EEFSEC: variants seen among roughly 807,000 people sequenced by gnomAD.
EEFSEC encodes selenocysteine-specific elongation factor.
Under a neutral mutation model 42.1 loss-of-function variants are expected in EEFSEC, and 43 were observed. The observed-to-expected ratio is 1.02, with a 90% CI of 0.80 to 1.32. The LOEUF is 1.32. EEFSEC is among the 40% of genes most tolerant of loss of function. The pLI, the probability that EEFSEC is intolerant of heterozygous loss-of-function variation, is 0.00. For missense variants in EEFSEC, 745 were observed against 803.6 expected, an observed-to-expected ratio of 0.93 and a Z score of 0.88; for synonymous variants, 354 against 339.1, an observed-to-expected ratio of 1.04 and a Z score of -0.48.
At chr3:128,196,099 C>A (rs935261909) in intron 1 of EEFSEC, among the ~76,000 whole-genome samples, 1 of 152,198 alleles carries the variant, frequency 6.6e-6, no homozygotes, top group Admixed American at 6.5e-5. Flanking sequence ...TGACTCTCTG[C>A]TGTTTGATTG....
chr3:128,205,839 C>A (rs2065691423), intron 1 of EEFSEC, among the ~76,000 whole-genome samples: 1 of 152,156 alleles, frequency 6.6e-6, no homozygotes, highest in Non-Finnish European at 1.5e-5. Context: ...CTTCAGGAGG[C>A]CCTGGCCTGC....
At chr3:128,269,638 G>A (rs1029590460) in intron 4 of EEFSEC, among the ~76,000 whole-genome samples, 11 of 152,332 alleles carry the variant, frequency 7.2e-5, no homozygotes, top group African/African-American at 2.2e-4. Context: ...GCTGGCCTGC[G>A]GAGCCTGCCA....
At chr3:128,407,282 G>T (rs888268745) in intron 6 of EEFSEC, among the ~76,000 whole-genome samples, 3 of 152,228 alleles carry the variant, frequency 2.0e-5, no homozygotes, top group East Asian at 1.9e-4. Flanking sequence ...AAGCGGTGGG[G>T]GCTGCACCCA....
intron 6 of EEFSEC, among the ~76,000 whole-genome samples, chr3:128,381,929 C>A (rs963741937): frequency 6.6e-6 from 1 of 152,122 alleles, no homozygotes; most frequent in African/African-American, 2.4e-5. Flanking sequence ...CAGCAGGGAG[C>A]AGGGGGAAGA....
At chr3:128,165,305 T>G (rs918195492) in intron 1 of EEFSEC, among the ~76,000 whole-genome samples, 1 of 152,236 alleles carries the variant, frequency 6.6e-6, no homozygotes, top group African/African-American at 2.4e-5. Context: ...CCTTAGCACA[T>G]GCCTGCTTCC....
intron 6 of EEFSEC, among the ~76,000 whole-genome samples, chr3:128,372,257 C>T (rs944024470): frequency 6.6e-6 from 1 of 152,166 alleles, no homozygotes; most frequent in Non-Finnish European, 1.5e-5. Context: ...ATCTTAGATA[C>T]CTGAGAGAAA....
intron 5 of EEFSEC, among the ~76,000 whole-genome samples, chr3:128,356,832 G>C (rs927262786): frequency 3.9e-5 from 6 of 152,234 alleles, no homozygotes; most frequent in African/African-American, 1.4e-4. Context: ...TCTGGTTTTT[G>C]TATCTGTCCA....
chr3:128,405,835 C>T (rs914364396), intron 6 of EEFSEC, among the ~76,000 whole-genome samples: 1 of 152,264 alleles, frequency 6.6e-6, no homozygotes, highest in Admixed American at 6.5e-5. Context: ...TGCTCTGGTC[C>T]TCTAGGTTCC....
chr3:128,347,426 G>C (rs989268134), intron 5 of EEFSEC, among the ~76,000 whole-genome samples: 27 of 152,270 alleles, frequency 1.8e-4, no homozygotes, highest in African/African-American at 6.5e-4. Context: ...GAAATAGTTG[G>C]TATCCTGTTT....
rs1576619541 is a variant in EEFSEC at position 128,299,825 on chromosome 3, G to A, written c.786+35044G>A. Among the ~76,000 whole-genome samples, 3 of 152,320 alleles carry A rather than the reference G, an allele frequency of 2.0e-5. No homozygotes were observed. In the East Asian group the frequency reaches 5.8e-4, roughly 29 times the overall value. ...ATAAACCTTAGCCTTCTTCTTCGTTGCTTTCATAGAGTTACTGTGAGGATT... is the reference window on the plus strand; with the variant it reads ...ATAAACCTTAGCCTTCTTCTTCGTTACTTTCATAGAGTTACTGTGAGGATT... On this transcript the variant is annotated intron_variant, in intron 4 of 6. Coordinates refer to ENST00000254730, the MANE Select transcript of EEFSEC (RefSeq NM_021937.5).
intron 1 of EEFSEC, among the ~76,000 whole-genome samples, chr3:128,238,720 G>A (rs1469955679): frequency 6.6e-6 from 1 of 152,142 alleles, no homozygotes; most frequent in Non-Finnish European, 1.5e-5. Flanking sequence ...AAAGTCCTGA[G>A]CTCAGGCAAT....
At chr3:128,416,763 G>T in the EEFSEC span, among the ~76,000 whole-genome samples, 8 of 152,076 alleles carry the variant, frequency 5.3e-5, no homozygotes, top group Non-Finnish European at 1.0e-4. Context: ...CTGTCCCCAC[G>T]AAGGGAATGA....
At chr3:128,415,162 TG>T in the EEFSEC span, among the ~76,000 whole-genome samples, 6,590 of 152,202 alleles carry the variant, frequency 0.043, 484 homozygotes, top group African/African-American at 0.15. Context: ...GTCTTGGGTC[TG>T]GGTGGACGCA....
At chr3:128,403,357 A>G (rs945434377) in intron 6 of EEFSEC, among the ~76,000 whole-genome samples, 10 of 152,158 alleles carry the variant, frequency 6.6e-5, no homozygotes, top group African/African-American at 2.4e-4. Flanking sequence ...CAGAGGCCAG[A>G]GGTCCAGAGC....
At chr3:128,292,755 T>A (rs2066658022) in intron 4 of EEFSEC, among the ~76,000 whole-genome samples, 1 of 152,010 alleles carries the variant, frequency 6.6e-6, no homozygotes, top group African/African-American at 2.4e-5. Context: ...AACCAGCTTT[T>A]GGCTTTGTTG....
chr3:128,398,389 G>A (rs1267566987), intron 6 of EEFSEC, among the ~76,000 whole-genome samples: 1 of 152,178 alleles, frequency 6.6e-6, no homozygotes, highest in East Asian at 1.9e-4. Context: ...AGGAATGTGT[G>A]GTAAGGATGT....
At chr3:128,347,767 T>C (rs1735557) in intron 5 of EEFSEC, among the ~76,000 whole-genome samples, 139,927 of 152,248 alleles carry the variant, frequency 0.92, 64,428 homozygotes, top group East Asian at 0.98. Context: ...AACTTGTACA[T>C]ACCAAACATA....
intron 1 of EEFSEC, among the ~76,000 whole-genome samples, chr3:128,235,749 G>A (rs2066002126): frequency 6.6e-6 from 1 of 152,210 alleles, no homozygotes; most frequent in African/African-American, 2.4e-5. Context: ...CCAACAGGCA[G>A]TCAGGCTGGT....
At chr3:128,341,033 C>T (rs1053461663) in intron 4 of EEFSEC, among the ~76,000 whole-genome samples, 200 bp from the exon 5 acceptor site, 16 of 152,160 alleles carry the variant, frequency 1.1e-4, no homozygotes, top group South Asian at 4.1e-4. Context: ...GCTTTGCTGG[C>T]GGCCCTCGGC....
Sources: gnomAD v4.1 joint callset for allele counts (sites outside exome capture counted in the v4.1 genomes callset) on GRCh38, gnomAD v4.1.1 for gene constraint, MANE v1.5 for transcripts, NCBI Gene and HGNC (gene_info 2026-07-23, HGNC 2026-07-21) for gene names.